The following ZMYND8 variants were observed in gnomAD, a reference collection of about 807,000 sequenced individuals.
ZMYND8 encodes zinc finger MYND-type containing 8.
A neutral mutation model predicts 140.8 loss-of-function variants in ZMYND8; 37 were observed. The ratio of observed to expected loss-of-function variants is 0.26; its 90% CI spans 0.20 to 0.35. The LOEUF (loss-of-function observed/expected upper bound fraction) is 0.35. Ranked by LOEUF, ZMYND8 falls within the 10% of genes least tolerant of loss-of-function variation. The pLI is 1.00. For synonymous variants in ZMYND8, 592 were observed against 597.1 expected, an observed-to-expected ratio of 0.99 and a Z score of 0.12; for missense variants, 1,068 against 1,570.0, an observed-to-expected ratio of 0.68 and a Z score of 5.40.
At chr20:47,212,770 G>A (rs1215874420) in intron 21 of ZMYND8, 45 bp from the exon 22 acceptor site, 1 of 1,539,012 alleles carries the variant, frequency 6.5e-7, no homozygotes, top group Non-Finnish European at 8.8e-7. Context: ...CAGAGAGCTG[G>A]AATTCCGCAC....
chr20:47,308,618 T>C (rs1190708758), intron 3 of ZMYND8, among the ~76,000 whole-genome samples: 1 of 152,190 alleles, frequency 6.6e-6, no homozygotes, highest in African/African-American at 2.4e-5. Context: ...ATTTTTAATA[T>C]CACTATTTAT....
At chr20:47,297,956 T>A (rs181888556) in intron 4 of ZMYND8, among the ~76,000 whole-genome samples, 2 of 152,276 alleles carry the variant, frequency 1.3e-5, no homozygotes, top group Non-Finnish European at 2.9e-5. Flanking sequence ...CCTCCGGCCG[T>A]CTGCCTGGAA....
chr20:47,260,743 A>G (rs1252902221), intron 12 of ZMYND8, among the ~76,000 whole-genome samples: 4 of 152,140 alleles, frequency 2.6e-5, no homozygotes, highest in African/African-American at 9.7e-5. Flanking sequence ...ACTGCCTCTC[A>G]TGGTGTGAAC....
At chr20:47,279,199 G>A (rs2076445057) in intron 10 of ZMYND8, among the ~76,000 whole-genome samples, 1 of 152,146 alleles carries the variant, frequency 6.6e-6, no homozygotes, top group African/African-American at 2.4e-5. Flanking sequence ...GCTGGGCATG[G>A]TGACTCACAC....
intron 17 of ZMYND8, 35 bp from the exon 18 acceptor site, chr20:47,227,316 T>C: frequency 6.2e-7 from 1 of 1,607,682 alleles, no homozygotes; most frequent in African/African-American, 1.3e-5. Flanking sequence ...TCAAAAGCTG[T>C]CTCATGCAGT....
chr20:47,296,469 T>C lies in ZMYND8; in HGVS notation c.454-1690A>G, dbSNP rs1452269449. Among the ~76,000 whole-genome samples the C allele has an allele frequency of 2.0e-5, 3 of 152,232 alleles. No homozygotes were observed. In the East Asian group the frequency reaches 5.8e-4, roughly 29 times the overall value. On this transcript the variant is annotated intron_variant, in intron 4 of 22. Transcript: ENST00000471951. Reference sequence around the variant, plus strand: ...AGACATCCTCCTTTTGGGAGAATTTTTGTCTATCCACACATAATACCTGAA... The same window carrying C: ...AGACATCCTCCTTTTGGGAGAATTTCTGTCTATCCACACATAATACCTGAA...
intron 11 of ZMYND8, among the ~76,000 whole-genome samples, chr20:47,268,257 G>C (rs1330651453): frequency 1.3e-5 from 2 of 150,194 alleles, no homozygotes; most frequent in Non-Finnish European, 1.5e-5. Flanking sequence ...AGGAGTTTGA[G>C]ACCAGCCTGG....
rs1207271949 is a variant in ZMYND8, at chr20:47,245,871, G to T, written c.2284+137C>A. On this transcript the variant is annotated intron_variant, in intron 14 of 22. Transcript: ENST00000471951. ...CTTAAACCAAACACAGCTTCACTGT[G>T]CCTCTCTCTCAGTGTGTTAGAGGGT... 6.2e-6 allele frequency: 8 copies of T among 1,295,320 alleles called. No homozygotes were observed. In the African/African-American group the frequency reaches 1.2e-4, roughly 19 times the overall value. 80.2% of individuals were successfully genotyped at this position (1,295,320 alleles called of 1,614,324 possible). A position where few individuals can be genotyped will look rare whatever the true frequency, so the allele number is the denominator to read the frequency against.
At chr20:47,263,524 A>G (rs1368047060) in intron 11 of ZMYND8, among the ~76,000 whole-genome samples, 1 of 152,228 alleles carries the variant, frequency 6.6e-6, no homozygotes, top group East Asian at 1.9e-4. Context: ...GGTGAATCCA[A>G]GTAAGCTAGG....
Position 47,310,304 on chromosome 20 carries a change from T to C in ZMYND8, c.86-100A>G, listed in dbSNP as rs990653526. The stretch of plus-strand genomic sequence containing the variant: ...AACCAAGTGTGGGAACAGAGTGCAT[T>C]CTGTCCCCCAACTCCCGAAGCCACT... On this transcript the variant is annotated intron_variant, in intron 2 of 22. Transcript: ENST00000471951. 8 of 1,424,022 alleles carry C rather than the reference T, an allele frequency of 5.6e-6. No homozygotes were observed. The East Asian group carries it at 1.4e-4, about 25-fold the overall frequency. 88.2% of individuals were successfully genotyped at this position (1,424,022 alleles called of 1,614,324 possible). A position where few individuals can be genotyped will look rare whatever the true frequency, so the allele number is the denominator to read the frequency against.
chr20:47,221,619 T>G (rs1466930118), intron 19 of ZMYND8, 145 bp from the exon 20 acceptor site: 2 of 1,008,752 alleles, frequency 2.0e-6, no homozygotes, highest in Non-Finnish European at 2.7e-6. Flanking sequence ...GGGGGCCAGA[T>G]TGCCAGAGTT....
chr20:47,270,927 AT>A, intron 11 of ZMYND8, among the ~76,000 whole-genome samples: 1 of 151,976 alleles, frequency 6.6e-6, no homozygotes, highest in Middle Eastern at 3.4e-3. Context: ...AATACAAAAA[AT>A]TAGCCGGGCG....
intron 10 of ZMYND8, among the ~76,000 whole-genome samples, chr20:47,279,591 C>T (rs1358118689): frequency 6.6e-6 from 1 of 152,088 alleles, no homozygotes; most frequent in African/African-American, 2.4e-5. Context: ...TATCTAGTTT[C>T]ACATTATCTC....
At chr20:47,216,324 T>C (rs937843532) in intron 21 of ZMYND8, among the ~76,000 whole-genome samples, 1 of 151,338 alleles carries the variant, frequency 6.6e-6, no homozygotes, top group Non-Finnish European at 1.5e-5. Flanking sequence ...TGAAACCTTG[T>C]CTCTATTAAA....
At chr20:47,276,239 G>T in intron 11 of ZMYND8, 75 bp downstream of exon 11, 2 of 1,457,322 alleles carry the variant, frequency 1.4e-6, no homozygotes, top group Admixed American at 2.3e-5. Context: ...ACCTGCTTGG[G>T]CCCACCAAGT....
At position 47,326,602 on chromosome 20, in the gene ZMYND8, C is replaced by T. The variant is rs114445927; in HGVS notation, c.86-16398G>A. 4.9e-3 allele frequency among the ~76,000 whole-genome samples: 744 copies of T among 152,214 alleles called. 5 individuals are homozygous for T. Among genetic ancestry groups the T allele is most frequent in the African/African-American group, 0.017 (718 of 41,540 alleles). On this transcript the variant is annotated intron_variant, in intron 2 of 22. Transcript: ENST00000471951. The stretch of plus-strand genomic sequence containing the variant: ...GTCTGAGTCTGAGGATCTCTTTTTC[C>T]AAAACCTCCGTAGATCCTCAGTCTC...
intron 2 of ZMYND8, among the ~76,000 whole-genome samples, chr20:47,346,163 C>A (rs2082319953): frequency 6.6e-6 from 1 of 152,060 alleles, no homozygotes; most frequent in South Asian, 2.1e-4. Flanking sequence ...AGGGACAAGA[C>A]CCCCACCCTC....
intron 11 of ZMYND8, among the ~76,000 whole-genome samples, chr20:47,270,568 T>C (rs914248180): frequency 4.6e-5 from 7 of 150,768 alleles, no homozygotes; most frequent in Non-Finnish European, 1.0e-4. Flanking sequence ...AGCCAGTACA[T>C]AAAAGTTGAT....
rs528924076 is a variant in ZMYND8, at chr20:47,229,973, A to C, written c.2857-167T>G. On this transcript the variant is annotated intron_variant, in intron 16 of 22. Coordinates refer to ENST00000471951, the MANE Select transcript of ZMYND8 (RefSeq NM_001281775.3). ...GGTTGCCATGACAGGTGCAGGAGCA[A>C]GGAGAAGGAGCTGCTACTGGCATCT... Among the ~76,000 whole-genome samples the C allele has an allele frequency of 1.0e-3, 152 of 152,276 alleles. 2 individuals carry two copies. In the South Asian group the frequency reaches 0.031, roughly 31 times the overall value.
Sources: allele counts gnomAD v4.1 joint callset (sites outside exome capture counted in the v4.1 genomes callset), GRCh38; gene constraint gnomAD v4.1.1; transcripts MANE v1.5; gene names NCBI Gene and HGNC (gene_info 2026-07-23, HGNC 2026-07-21).